Variants in TMPRSS11D observed in about 807,000 individuals in gnomAD.
The protein encoded by TMPRSS11D is transmembrane serine protease 11D, also known as transmembrane protease serine 11D.
A neutral mutation model predicts 44.4 loss-of-function variants in TMPRSS11D; 32 were observed. That is an observed-to-expected ratio of 0.72 (90% CI 0.54 to 0.97). The LOEUF is 0.97. Among genes scored for constraint, TMPRSS11D ranks in the 50% least tolerant of loss-of-function variants. The pLI is 0.00. For missense variants in TMPRSS11D, 446 were observed against 502.6 expected (o/e 0.89, Z 1.08); for synonymous variants, 179 against 177.9 (o/e 1.01, Z -0.05).
intron 3 of TMPRSS11D, 117 bp from the exon 4 acceptor site, chr4:67,842,742 G>T: frequency 1.1e-6 from 1 of 906,194 alleles, no homozygotes; most frequent in Non-Finnish European, 1.7e-6. Context: ...TTTCACTTTA[G>T]TTCAACCTAA....
rs376068433 is a variant in TMPRSS11D, at chr4:67,863,773, G to A, written c.9-4095C>T. Reference sequence around the variant, plus strand: ...AAAGACAATACCTTCCTCATAATTTGATTTTTTAAAATAAAATAAAATGGT... The same window carrying A: ...AAAGACAATACCTTCCTCATAATTTAATTTTTTAAAATAAAATAAAATGGT... On this transcript the variant is annotated intron_variant, in intron 1 of 9. Transcript: ENST00000283916. Among the ~76,000 whole-genome samples, 98 of 152,060 alleles carry A rather than the reference G, an allele frequency of 6.4e-4. 1 individual carries two copies. In the South Asian group the frequency reaches 0.02, roughly 31 times the overall value.
At position 67,822,459 on chromosome 4, in the gene TMPRSS11D, G is replaced by A. The variant is rs758167149; in HGVS notation, c.1135C>T (p.Arg379Trp). ...GGPLVQEDSR[R>W]LWFIVGIVSW... ...ACTATCCCCACAATAAACCAAAGCC[G>A]CCGTGAGTCTTCTTGTACTAGTGGG... Residue 379 changes from arginine (R) to tryptophan (W), a missense_variant, in exon 10 of 10, where the codon CGG becomes TGG. Coordinates refer to ENST00000283916, the MANE Select transcript of TMPRSS11D (RefSeq NM_004262.3). 14 of 1,613,694 alleles carry A rather than the reference G, an allele frequency of 8.7e-6. No homozygotes were observed. The South Asian group carries it at 1.1e-4, about 13-fold the overall frequency.
At position 67,827,462 on chromosome 4, in the gene TMPRSS11D, G is replaced by C; in HGVS notation, c.751C>G (p.Leu251Val). ...TSGISTTFPKLRMRVRNILIH... is the reference protein window; with the variant it reads ...TSGISTTFPKVRMRVRNILIH... ...AAAATATTTCTTACTCTCATTCTTA[G>C]TTTAGGAAATGTTGTGGAAATACCA... Residue 251 changes from leucine (L) to valine (V), a missense_variant, in exon 8 of 10, where the codon CTA becomes GTA. Physicochemically the swap from Leu to Val is conservative, Grantham distance 32. Transcript: ENST00000283916. The C allele has an allele frequency of 1.2e-6, 2 of 1,612,284 alleles. No homozygotes were observed. The highest frequency in any genetic ancestry group is 1.7e-6 in the Non-Finnish European group (2 of 1,179,146).
intron 9 of TMPRSS11D, among the ~76,000 whole-genome samples, chr4:67,824,665 G>C (rs1309354082): frequency 4.6e-5 from 7 of 152,092 alleles, no homozygotes; most frequent in African/African-American, 1.7e-4. Context: ...TGGATTGGGG[G>C]CTTTCCATGA....
intron 3 of TMPRSS11D, among the ~76,000 whole-genome samples, chr4:67,847,023 G>T (rs1291693053): frequency 6.6e-6 from 1 of 151,930 alleles, no homozygotes; most frequent in Non-Finnish European, 1.5e-5. Flanking sequence ...TCCTGCCTCT[G>T]CCTCTTGAGT....
chr4:67,846,919 T>G (rs966596828), intron 3 of TMPRSS11D, among the ~76,000 whole-genome samples: 1 of 152,168 alleles, frequency 6.6e-6, no homozygotes, highest in Non-Finnish European at 1.5e-5. Context: ...GATTTTTTTT[T>G]TTTTGAGACA....
intron 1 of TMPRSS11D, among the ~76,000 whole-genome samples, chr4:67,875,227 A>G (rs1719157241): frequency 1.3e-5 from 2 of 152,314 alleles, no homozygotes; most frequent in South Asian, 2.1e-4. Flanking sequence ...GATGTTGCAC[A>G]TATATTCTCT....
At chr4:67,878,811 C>T (rs889950703) in intron 1 of TMPRSS11D, among the ~76,000 whole-genome samples, 2 of 152,008 alleles carry the variant, frequency 1.3e-5, no homozygotes, top group African/African-American at 4.8e-5. Context: ...GTAATTCCAG[C>T]TACACTCAGG....
intron 5 of TMPRSS11D, among the ~76,000 whole-genome samples, chr4:67,836,466 G>T (rs908805714): frequency 4.6e-5 from 7 of 152,116 alleles, no homozygotes; most frequent in Admixed American, 3.9e-4. Context: ...GTTTCACAAG[G>T]TTTGGGTATC....
Position 67,860,642 on chromosome 4 carries a change from GT to G in TMPRSS11D, c.9-965del, listed in dbSNP as rs573521228. 2.9e-3 allele frequency among the ~76,000 whole-genome samples: 437 copies of G among 152,114 alleles called. 2 individuals are homozygous for G. The highest frequency in any genetic ancestry group is 1.0e-2 in the African/African-American group (415 of 41,510). ...TGCAGAATGCTTGGGTGATATAGGT[GT>G]TTTGTAAATATTTATGATATTTATA... On this transcript the variant is annotated intron_variant, in intron 1 of 9. Transcript: ENST00000283916.
chr4:67,832,868 A>G (rs1717980566), intron 7 of TMPRSS11D, among the ~76,000 whole-genome samples: 1 of 152,002 alleles, frequency 6.6e-6, no homozygotes, highest in Admixed American at 6.6e-5. Flanking sequence ...TAAGTCACAG[A>G]TAACAGTGTT....
At chr4:67,872,176 A>G (rs1719075176) in intron 1 of TMPRSS11D, among the ~76,000 whole-genome samples, 1 of 152,186 alleles carries the variant, frequency 6.6e-6, no homozygotes, top group Non-Finnish European at 1.5e-5. Flanking sequence ...AGAAACAACT[A>G]CTTACAGACT....
At chr4:67,840,790 A>G (rs894013184) in intron 4 of TMPRSS11D, among the ~76,000 whole-genome samples, 1 of 152,174 alleles carries the variant, frequency 6.6e-6, no homozygotes. Flanking sequence ...CCAAAAATAC[A>G]TACAACTACT....
chr4:67,837,288 T>C (rs571403718), intron 5 of TMPRSS11D, among the ~76,000 whole-genome samples: 1 of 152,278 alleles, frequency 6.6e-6, no homozygotes, highest in Non-Finnish European at 1.5e-5. Flanking sequence ...TCATAAAAGA[T>C]GCAATCAGGC....
chr4:67,855,545 A>C (rs1560544663), intron 2 of TMPRSS11D, among the ~76,000 whole-genome samples: 1 of 152,112 alleles, frequency 6.6e-6, no homozygotes, highest in African/African-American at 2.4e-5. Context: ...TAGAAGGGAC[A>C]TACCTCAACA....
chr4:67,831,665 G>A (rs1391660528), intron 7 of TMPRSS11D, among the ~76,000 whole-genome samples: 2 of 152,080 alleles, frequency 1.3e-5, no homozygotes, highest in South Asian at 2.1e-4. Flanking sequence ...AAATCAATGC[G>A]TGCCATTTCT....
chr4:67,828,259 G>T (rs1717857724), intron 7 of TMPRSS11D, among the ~76,000 whole-genome samples: 1 of 152,036 alleles, frequency 6.6e-6, no homozygotes, highest in Non-Finnish European at 1.5e-5. Flanking sequence ...CAACATGAAT[G>T]CTGCTAAAAT....
At chr4:67,841,522 AAGAGCAGTTG>A (rs1455836341) in intron 4 of TMPRSS11D, among the ~76,000 whole-genome samples, 1 of 152,170 alleles carries the variant, frequency 6.6e-6, no homozygotes, top group Non-Finnish European at 1.5e-5. Context: ...TTGAATCGGC[AAGAGCAGTTG>A]ATATTTTATG....
In TMPRSS11D at chr4:67,821,093, A is replaced by G. The variant is rs1369620695; in HGVS notation, c.*1244T>C. On this transcript the variant is annotated 3_prime_UTR_variant, in exon 10 of 10. Transcript: ENST00000283916. ...CAGGGAGTTAGCTTGTAGAAGGAGGAAGCTCTGACGCATAGATGATCATGC... is the reference window on the plus strand; with the variant it reads ...CAGGGAGTTAGCTTGTAGAAGGAGGGAGCTCTGACGCATAGATGATCATGC... 6.6e-6 allele frequency: 1 copy of G among 152,224 alleles called. No individual in the cohort carries two copies. The highest frequency in any genetic ancestry group is 6.5e-5 in the Admixed American group (1 of 15,282). The allele number at this position is 152,224 out of a possible 1,614,324, so 9.4% of individuals were successfully genotyped here.
Sources: gnomAD v4.1 joint callset for allele counts (sites outside exome capture counted in the v4.1 genomes callset) on GRCh38, gnomAD v4.1.1 for gene constraint, MANE v1.5 for transcripts, NCBI Gene and HGNC (gene_info 2026-07-23, HGNC 2026-07-21) for gene names.